KCNH5: variants seen among roughly 807,000 people sequenced by gnomAD.
KCNH5 encodes the protein potassium voltage-gated channel subfamily H member 5.
In KCNH5, 46 loss-of-function variants were observed where a neutral mutation model predicts 96.1. The ratio of observed to expected loss-of-function variants is 0.48; its 90% CI spans 0.38 to 0.61. KCNH5 has a LOEUF of 0.61. Among genes scored for constraint, KCNH5 ranks in the 20% least tolerant of loss-of-function variants. The pLI is 0.00. For synonymous variants in KCNH5, 439 were observed against 449.8 expected, an observed-to-expected ratio of 0.98 and a Z score of 0.30; for missense variants, 907 against 1,225.8, an observed-to-expected ratio of 0.74 and a Z score of 3.88.
intron 3 of KCNH5, among the ~76,000 whole-genome samples, chr14:63,002,388 A>T (rs3861501): frequency 1.1e-4 from 16 of 152,210 alleles, no homozygotes; most frequent in Admixed American, 7.2e-4. Flanking sequence ...TGAAGGGAAG[A>T]TTCCATTACA....
intron 10 of KCNH5, among the ~76,000 whole-genome samples, chr14:62,709,403 T>A (rs1262018776): frequency 6.6e-6 from 1 of 152,034 alleles, no homozygotes; most frequent in Non-Finnish European, 1.5e-5. Flanking sequence ...GAACTAGAAT[T>A]TGTGAGGAAA....
At chr14:62,750,899 G>C (rs1333250496) in intron 10 of KCNH5, among the ~76,000 whole-genome samples, 1 of 152,060 alleles carries the variant, frequency 6.6e-6, no homozygotes, top group Non-Finnish European at 1.5e-5. Context: ...CTGTTTCCCT[G>C]GTGCACAAAG....
intron 7 of KCNH5, among the ~76,000 whole-genome samples, chr14:62,936,778 C>A (rs756070018): frequency 4.6e-5 from 7 of 151,550 alleles, no homozygotes; most frequent in Admixed American, 1.3e-4. Context: ...GAGTTCAAGA[C>A]CTGCCTGACC....
chr14:63,001,409 C>T lies in KCNH5; in HGVS notation c.355G>A (p.Glu119Lys), dbSNP rs1289569263. Residue 119 changes from glutamate (E) to lysine (K), a missense_variant, in exon 4 of 11, where the codon GAA becomes AAA. Transcript: ENST00000322893. ...MQIAPIRNEH[E>K]KVVLFLCTFK... ...GTACACAGGAACAAGACCACCTTTT[C>T]ATGTTCATTTCTTATTGGTGCAATT... 1 of 1,612,412 alleles carries T rather than the reference C, an allele frequency of 6.2e-7. No individual in the cohort carries two copies. Among genetic ancestry groups the T allele is most frequent in the African/African-American group, 1.3e-5 (1 of 74,872 alleles).
At chr14:62,792,644 G>A (rs868525169) in intron 9 of KCNH5, among the ~76,000 whole-genome samples, 24 of 151,604 alleles carry the variant, frequency 1.6e-4, no homozygotes, top group Middle Eastern at 3.4e-3. Flanking sequence ...TGAAGCCTAC[G>A]ATATCGTTCA....
chr14:62,881,525 G>C (rs964644939), intron 7 of KCNH5, among the ~76,000 whole-genome samples: 1 of 152,062 alleles, frequency 6.6e-6, no homozygotes, highest in Non-Finnish European at 1.5e-5. Context: ...TAACCAATAG[G>C]TGCCTGGCTT....
intron 10 of KCNH5, among the ~76,000 whole-genome samples, chr14:62,778,620 G>C (rs1336908239): frequency 6.6e-6 from 1 of 152,198 alleles, no homozygotes; most frequent in Non-Finnish European, 1.5e-5. Context: ...ATTTGTGTTT[G>C]ACATAATATT....
At chr14:62,825,430 C>T (rs947367572) in intron 8 of KCNH5, among the ~76,000 whole-genome samples, 1 of 151,630 alleles carries the variant, frequency 6.6e-6, no homozygotes, top group Admixed American at 6.6e-5. Context: ...CACTTGTATG[C>T]CTTCTTTTGA....
intron 9 of KCNH5, among the ~76,000 whole-genome samples, chr14:62,789,387 A>G (rs185924438): frequency 3.9e-5 from 6 of 152,216 alleles, no homozygotes; most frequent in African/African-American, 1.4e-4. Flanking sequence ...ACTGCAATAA[A>G]CATGGGGGTG....
intron 4 of KCNH5, among the ~76,000 whole-genome samples, chr14:62,990,937 A>C (rs1317794728): frequency 6.6e-6 from 1 of 152,080 alleles, no homozygotes; most frequent in African/African-American, 2.4e-5. Context: ...ATCAGATCTC[A>C]GAGAATTTAC....
At chr14:62,968,587 G>T (rs1017336997) in intron 6 of KCNH5, among the ~76,000 whole-genome samples, 15 of 152,216 alleles carry the variant, frequency 9.9e-5, no homozygotes, top group Admixed American at 9.8e-4. Context: ...ATGCCCTATA[G>T]TCTGTGAGAA....
At chr14:62,959,244 C>T (rs1890162667) in intron 6 of KCNH5, among the ~76,000 whole-genome samples, 1 of 152,128 alleles carries the variant, frequency 6.6e-6, no homozygotes, top group Non-Finnish European at 1.5e-5. Flanking sequence ...GTTTCTTCTA[C>T]ATCTCTCTTT....
chr14:62,958,852 T>G (rs779154760), intron 6 of KCNH5, among the ~76,000 whole-genome samples: 1 of 152,178 alleles, frequency 6.6e-6, no homozygotes, highest in African/African-American at 2.4e-5. Context: ...GCAAGTTTCC[T>G]GTTTTTCTTG....
chr14:62,993,480 C>G (rs1209879091), intron 4 of KCNH5, among the ~76,000 whole-genome samples: 1 of 151,992 alleles, frequency 6.6e-6, no homozygotes, highest in African/African-American at 2.4e-5. Flanking sequence ...ACTATGGCAC[C>G]TGGTTCTTAC....
intron 7 of KCNH5, among the ~76,000 whole-genome samples, chr14:62,908,782 ATTTTTTTTTTTT>A (rs71120241): frequency 3.0e-3 from 72 of 23,728 alleles, no homozygotes; most frequent in Middle Eastern, 0.045. Flanking sequence ...TTTGCTTTGT[ATTTTTTTTTTTT>A]TTTTTTTTTT....
At chr14:62,829,214 C>T (rs1423803146) in intron 8 of KCNH5, among the ~76,000 whole-genome samples, 1 of 152,074 alleles carries the variant, frequency 6.6e-6, no homozygotes, top group East Asian at 1.9e-4. Context: ...GTGCCTGTGG[C>T]CTTTCCAGGG....
intron 5 of KCNH5, among the ~76,000 whole-genome samples, chr14:62,985,989 C>T (rs1261366982): frequency 6.6e-6 from 1 of 152,214 alleles, no homozygotes; most frequent in Non-Finnish European, 1.5e-5. Flanking sequence ...CTGGACTCAA[C>T]CCCTTGTTTC....
chr14:62,913,621 T>A (rs904292179), intron 7 of KCNH5, among the ~76,000 whole-genome samples: 1 of 152,118 alleles, frequency 6.6e-6, no homozygotes, highest in Non-Finnish European at 1.5e-5. Context: ...CCTTCTAAAT[T>A]CAATTAGTAT....
intron 10 of KCNH5, among the ~76,000 whole-genome samples, chr14:62,762,695 A>C (rs1472269191): frequency 2.0e-5 from 3 of 152,140 alleles, no homozygotes; most frequent in African/African-American, 7.2e-5. Context: ...AAAATCTAAC[A>C]AGCAAATGGA....
Sources: gnomAD v4.1 joint callset for allele counts (sites outside exome capture counted in the v4.1 genomes callset) on GRCh38, gnomAD v4.1.1 for gene constraint, MANE v1.5 for transcripts, NCBI Gene and HGNC (gene_info 2026-07-23, HGNC 2026-07-21) for gene names.